The following LSMEM2 variants were observed in gnomAD, a reference collection of about 807,000 sequenced individuals.
The protein encoded by LSMEM2 is leucine rich single-pass membrane protein 2, also known as leucine-rich single-pass membrane protein 2.
LSMEM2 carries 20 observed loss-of-function variants against 17.3 expected under a neutral mutation model. The ratio of observed to expected loss-of-function variants is 1.16; its 90% CI spans 0.81 to 1.68. The LOEUF is 1.68. LSMEM2 is among the 40% of genes most tolerant of loss of function. LSMEM2 has a pLI of 0.00. For synonymous variants in LSMEM2, 94 were observed against 97.8 expected (o/e 0.96, Z 0.23); for missense variants, 207 against 214.3 (o/e 0.97, Z 0.21).
chr3:50,286,442 G>C, intron 1 of LSMEM2, 29 bp from the exon 2 acceptor site: 1 of 1,566,334 alleles, frequency 6.4e-7, no homozygotes, highest in East Asian at 2.3e-5. Flanking sequence ...ACCCACCACT[G>C]GCTAAATCAG....
rs1701576001 is a variant in LSMEM2, at chr3:50,287,399, T to C, written c.*197T>C. 3 of 755,452 alleles carry C rather than the reference T, an allele frequency of 4.0e-6. No individual in the cohort carries two copies. In the African/African-American group the frequency reaches 5.3e-5, roughly 13 times the overall value. 46.8% of individuals were successfully genotyped at this position (755,452 alleles called of 1,614,324 possible). ...TTCAAGCCAGGCCTAGCCAAGCCTC[T>C]GGTGCCAAAGCCTCGCTTTGGGTGG... On this transcript the variant is annotated 3_prime_UTR_variant, in exon 4 of 4. Coordinates refer to ENST00000316436, the MANE Select transcript of LSMEM2 (RefSeq NM_153215.3).
chr3:50,284,203 C>CAAAAAAAAAAAAAAAAAAAA (rs1235329401), intron 1 of LSMEM2, among the ~76,000 whole-genome samples: 1 of 41,338 alleles, frequency 2.4e-5, no homozygotes, highest in Non-Finnish European at 4.5e-5. Flanking sequence ...AAGACTGTCT[C>CAAAAAAAAAAAAAAAAAAAA]AAAAAAAAAA....
chr3:50,283,802 C>CA (rs2109265247), intron 1 of LSMEM2, among the ~76,000 whole-genome samples: 1 of 151,404 alleles, frequency 6.6e-6, no homozygotes, highest in South Asian at 2.1e-4. Flanking sequence ...CTCAAACAAA[C>CA]AAACAAAAAG....
chr3:50,280,683 T>C (rs587768016), intron 1 of LSMEM2, among the ~76,000 whole-genome samples: 319 of 150,860 alleles, frequency 2.1e-3, no homozygotes, highest in African/African-American at 7.6e-3. Flanking sequence ...AAGCTCCGCC[T>C]TCCGGGTTCA....
intron 1 of LSMEM2, among the ~76,000 whole-genome samples, chr3:50,281,237 T>G (rs1553707733): frequency 6.6e-6 from 1 of 150,764 alleles, no homozygotes; most frequent in Non-Finnish European, 1.5e-5. Context: ...TGTTTTGAAT[T>G]TTTTAGTAGA....
chr3:50,283,375 C>T (rs1282742240), intron 1 of LSMEM2, among the ~76,000 whole-genome samples: 1 of 152,010 alleles, frequency 6.6e-6, no homozygotes, highest in African/African-American at 2.4e-5. Flanking sequence ...CACCTGTAAT[C>T]CCAGAACTTT....
chr3:50,280,978 CTG>C, intron 1 of LSMEM2, among the ~76,000 whole-genome samples: 1 of 152,180 alleles, frequency 6.6e-6, no homozygotes, highest in African/African-American at 2.4e-5. Flanking sequence ...ATAACATTTA[CTG>C]TGTGTTTTTC....
intron 1 of LSMEM2, among the ~76,000 whole-genome samples, chr3:50,282,062 C>A (rs1195193696): frequency 6.6e-6 from 1 of 152,006 alleles, no homozygotes; most frequent in Non-Finnish European, 1.5e-5. Context: ...CCATGTTGAC[C>A]AGGCTGATCT....
chr3:50,280,654 C>T (rs1206656696), intron 1 of LSMEM2, among the ~76,000 whole-genome samples: 3 of 147,674 alleles, frequency 2.0e-5, no homozygotes, highest in Non-Finnish European at 3.0e-5. Context: ...AGTGCAGTGG[C>T]GCGATCTCAG....
At position 50,286,453 on chromosome 3, in the gene LSMEM2, C is replaced by T. The variant is rs782566436; in HGVS notation, c.59-18C>T. 6.3e-7 allele frequency: 1 copy of T among 1,578,666 alleles called. No homozygotes were observed. Among genetic ancestry groups the T allele is most frequent in the Non-Finnish European group, 8.6e-7 (1 of 1,163,598 alleles). On this transcript the variant is annotated intron_variant, in intron 1 of 3. Coordinates refer to ENST00000316436, the MANE Select transcript of LSMEM2 (RefSeq NM_153215.3). ...GTTGACCCACCACTGGCTAAATCAG[C>T]CTGCGCTGCCCCTGCAGACTCCGTG... is the stretch of plus-strand genomic sequence containing the variant.
At chr3:50,279,062 T>G, upstream of LSMEM2, 1 of 1,597,832 alleles carries the variant, frequency 6.3e-7, no homozygotes, top group Non-Finnish European at 8.6e-7. Context: ...AGCCAGGCCT[T>G]CCCTGGGCTC....
At chr3:50,278,919 CT>C (rs1701331022), upstream of LSMEM2, 11 of 602,372 alleles carry the variant, frequency 1.8e-5, 1 homozygote, top group Admixed American at 3.2e-4. Flanking sequence ...TCCTGGCTGG[CT>C]CCCTCACCAG....
chr3:50,284,811 G>A (rs181510118), intron 1 of LSMEM2, among the ~76,000 whole-genome samples: 280 of 151,968 alleles, frequency 1.8e-3, no homozygotes, highest in Admixed American at 4.0e-3. Flanking sequence ...TGAGGCGGGC[G>A]GATCACTTGA....
rs1701576969 is a variant in LSMEM2 at position 50,287,442 on chromosome 3, G to A, written c.*240G>A. On this transcript the variant is annotated 3_prime_UTR_variant, in exon 4 of 4. Transcript: ENST00000316436. Reference sequence around the variant, plus strand: ...TTGGGTGGCCCAAGGTCAGGGGAAGGGGCACCAGCCTCCTGGCTCCTCCTG... The same window carrying A: ...TTGGGTGGCCCAAGGTCAGGGGAAGAGGCACCAGCCTCCTGGCTCCTCCTG... The A allele has an allele frequency of 1.7e-6, 1 of 577,608 alleles. No individual in the cohort carries two copies. Among genetic ancestry groups the A allele is most frequent in the Admixed American group, 3.1e-5 (1 of 32,536 alleles). 35.8% of individuals were successfully genotyped at this position (577,608 alleles called of 1,614,324 possible).
chr3:50,285,545 C>G (rs587736778), intron 1 of LSMEM2, among the ~76,000 whole-genome samples: 1 of 151,970 alleles, frequency 6.6e-6, no homozygotes, highest in South Asian at 2.1e-4. Context: ...GAGGCTGATG[C>G]AGGAGAATCG....
rs1553707475 is a variant in LSMEM2 at position 50,279,117 on chromosome 3, C to T, written c.4C>T (p.Pro2Ser). 1 of 1,614,026 alleles carries T rather than the reference C, an allele frequency of 6.2e-7. No individual in the cohort carries two copies. The highest frequency in any genetic ancestry group is 1.7e-5 in the Admixed American group (1 of 60,012). M[P>S]SLAPDCPLLA... ...ATTTGTCCAGTCCTGCTACTGGATG[C>T]CATCATTGGCCCCCGACTGCCCACT... Residue 2 changes from proline to serine, a missense_variant, in exon 1 of 4, where the codon CCA (proline) becomes TCA (serine). Transcript: ENST00000316436.
chr3:50,281,698 A>C (rs1408064185), intron 1 of LSMEM2, among the ~76,000 whole-genome samples: 2 of 77,348 alleles, frequency 2.6e-5, no homozygotes, highest in Non-Finnish European at 4.9e-5. Flanking sequence ...TTTTTTTTGG[A>C]GATAGGGTCT....
rs587632448 is a variant in LSMEM2 at position 50,287,929 on chromosome 3, T to C, written c.*727T>C. ...GGAAAGGAAGGGAAAGGCCCCCTAG[T>C]GCCTGCCCCACAGCCCTGAGGAAGG... On this transcript the variant is annotated 3_prime_UTR_variant, in exon 4 of 4. Transcript: ENST00000316436. 1.9e-4 allele frequency: 88 copies of C among 472,020 alleles called. 1 individual carries two copies. The South Asian group carries it at 2.3e-3, about 13-fold the overall frequency. 29.2% of individuals were successfully genotyped at this position (472,020 alleles called of 1,614,324 possible).
upstream of LSMEM2, among the ~76,000 whole-genome samples, chr3:50,278,528 G>T (rs1701324054): frequency 6.6e-6 from 1 of 152,144 alleles, no homozygotes; most frequent in Admixed American, 6.6e-5. Context: ...AGTAACAAAT[G>T]AACCAGCCTC....
Sources: allele counts gnomAD v4.1 joint callset (sites outside exome capture counted in the v4.1 genomes callset), GRCh38; gene constraint gnomAD v4.1.1; transcripts MANE v1.5; gene names NCBI Gene and HGNC (gene_info 2026-07-23, HGNC 2026-07-21).